ADAM7: variants seen among roughly 807,000 people sequenced by gnomAD.
The protein encoded by ADAM7 is ADAM metallopeptidase domain 7.
Under a neutral mutation model 102.9 loss-of-function variants are expected in ADAM7, and 97 were observed. That is an observed-to-expected ratio of 0.94 (90% CI 0.80 to 1.12). The LOEUF is 1.12. Ranked by LOEUF, ADAM7 falls within the 50% of genes most tolerant of loss-of-function variation. The pLI, the probability that ADAM7 is intolerant of heterozygous loss-of-function variation, is 0.00. For synonymous variants in ADAM7, 334 were observed against 304.4 expected (o/e 1.10, Z -1.01); for missense variants, 991 against 908.7 (o/e 1.09, Z -1.16).
At chr8:24,489,097 A>G (rs1344099284) in intron 11 of ADAM7, 62 bp from the exon 12 acceptor site, 1 of 1,425,898 alleles carries the variant, frequency 7.0e-7, no homozygotes, top group Non-Finnish European at 9.4e-7. Flanking sequence ...AAATGCTCAC[A>G]GCCACTGTAC....
rs975767051 is a variant in ADAM7 at position 24,500,310 on chromosome 8, A to C, written c.2002+54A>C. ...ATATCAAAAGCCTACCCAGCGAAAA[A>C]AGTTTTTCTTATTTTTCAAGTCTGC... On this transcript the variant is annotated intron_variant, in intron 18 of 21. Coordinates refer to ENST00000175238, the MANE Select transcript of ADAM7 (RefSeq NM_003817.4). The C allele has an allele frequency of 3.3e-6, 5 of 1,532,442 alleles. No homozygotes were observed. The African/African-American group carries it at 4.1e-5, about 13-fold the overall frequency. 94.9% of individuals were successfully genotyped at this position (1,532,442 alleles called of 1,614,324 possible).
intron 3 of ADAM7, among the ~76,000 whole-genome samples, chr8:24,450,588 G>C (rs948652025): frequency 3.3e-5 from 5 of 151,780 alleles, no homozygotes; most frequent in African/African-American, 9.7e-5. Context: ...CAATCGTGTA[G>C]TCTGCAAACA....
At chr8:24,507,215 A>G (rs1820980896) in intron 20 of ADAM7, among the ~76,000 whole-genome samples, 1 of 152,178 alleles carries the variant, frequency 6.6e-6, no homozygotes, top group East Asian at 1.9e-4. Context: ...TCTAGGGAAG[A>G]TTCACAGATT....
At chr8:24,470,284 T>C (rs961549238) in intron 7 of ADAM7, among the ~76,000 whole-genome samples, 1 of 152,094 alleles carries the variant, frequency 6.6e-6, no homozygotes, top group South Asian at 2.1e-4. Context: ...GCAAGGATAA[T>C]ATATTCGGAG....
chr8:24,451,490 G>T (rs948317449), intron 3 of ADAM7, among the ~76,000 whole-genome samples: 19 of 152,188 alleles, frequency 1.2e-4, no homozygotes, highest in African/African-American at 4.1e-4. Flanking sequence ...GGGATCGGTG[G>T]TGATAACCCC....
intron 5 of ADAM7, among the ~76,000 whole-genome samples, chr8:24,466,452 T>C (rs964250041): frequency 2.0e-5 from 3 of 152,206 alleles, no homozygotes; most frequent in African/African-American, 4.8e-5. Flanking sequence ...TTTACTTTCA[T>C]ATATATTCCA....
At chr8:24,476,079 GCTTT>G (rs1021190699) in intron 7 of ADAM7, 2 of 401,784 alleles carry the variant, frequency 5.0e-6, no homozygotes, top group Admixed American at 6.4e-5. Context: ...TTGCTTTGTA[GCTTT>G]AATAGGTTTG....
chr8:24,486,152 G>A (rs973067676), intron 10 of ADAM7, among the ~76,000 whole-genome samples: 1 of 152,080 alleles, frequency 6.6e-6, no homozygotes, highest in African/African-American at 2.4e-5. Flanking sequence ...CTTAGATTAT[G>A]CTATTATAAT....
chr8:24,442,709 C>T, intron 2 of ADAM7, 133 bp downstream of exon 2: 1 of 705,680 alleles, frequency 1.4e-6, no homozygotes, highest in East Asian at 2.6e-5. Context: ...CGGCATACAC[C>T]ATGTGCTTGG....
At chr8:24,441,776 C>A (rs895956064) in intron 1 of ADAM7, among the ~76,000 whole-genome samples, 4 of 152,208 alleles carry the variant, frequency 2.6e-5, no homozygotes, top group Non-Finnish European at 4.4e-5. Context: ...ACTTTAAATG[C>A]AAACATCCCT....
At chr8:24,455,491 CT>C (rs1818997303) in intron 3 of ADAM7, among the ~76,000 whole-genome samples, 2 of 152,210 alleles carry the variant, frequency 1.3e-5, no homozygotes, top group East Asian at 3.8e-4. Flanking sequence ...TAGCCTTGAT[CT>C]CAACCTCCTG....
chr8:24,466,459 T>C (rs968467406), intron 5 of ADAM7, among the ~76,000 whole-genome samples: 2 of 152,218 alleles, frequency 1.3e-5, no homozygotes, highest in African/African-American at 4.8e-5. Flanking sequence ...TCATATATAT[T>C]CCATGTCATG....
chr8:24,484,177 C>G (rs114103195), intron 9 of ADAM7, among the ~76,000 whole-genome samples: 1 of 152,090 alleles, frequency 6.6e-6, no homozygotes, highest in East Asian at 1.9e-4. Context: ...AGAATTCTGT[C>G]TCTCCAAGAA....
intron 2 of ADAM7, among the ~76,000 whole-genome samples, chr8:24,446,021 G>T (rs1818544983): frequency 6.6e-6 from 1 of 151,944 alleles, no homozygotes; most frequent in Non-Finnish European, 1.5e-5. Flanking sequence ...GCCAAGCAGG[G>T]ACTTCCATGA....
intron 8 of ADAM7, among the ~76,000 whole-genome samples, chr8:24,478,933 A>G (rs1031721011): frequency 2.0e-5 from 3 of 152,202 alleles, no homozygotes; most frequent in African/African-American, 7.2e-5. Flanking sequence ...GTCAGAAATT[A>G]GCTGATTTTG....
Position 24,499,407 on chromosome 8 carries a change from T to G in ADAM7, c.1923+91T>G, listed in dbSNP as rs561740772. The G allele has an allele frequency of 9.8e-6, 9 of 914,462 alleles. No individual in the cohort carries two copies. The South Asian group carries it at 2.0e-4, about 20-fold the overall frequency. The allele number at this position is 914,462 out of a possible 1,614,324, so 56.6% of individuals were successfully genotyped here. A position where few individuals can be genotyped will look rare whatever the true frequency, so the allele number is the denominator to read the frequency against. ...ATATGTGCATGTATATGTATGTATA[T>G]ATGTATTTTTGCTGCTTTCTAAATC... On this transcript the variant is annotated intron_variant, in intron 17 of 21. Coordinates refer to ENST00000175238, the MANE Select transcript of ADAM7 (RefSeq NM_003817.4).
chr8:24,467,789 G>T (rs1053759330), intron 6 of ADAM7: 1 of 152,262 alleles, frequency 6.6e-6, no homozygotes, highest in East Asian at 1.9e-4. Flanking sequence ...GATTGGCCAG[G>T]CATGGTGGCT....
Position 24,500,403 on chromosome 8 carries a change from T to A in ADAM7, c.2002+147T>A, listed in dbSNP as rs1585928955. 4 of 661,210 alleles carry A rather than the reference T, an allele frequency of 6.0e-6. No homozygotes were observed. In the East Asian group the frequency reaches 1.1e-4, roughly 18 times the overall value. The allele number at this position is 661,210 out of a possible 1,614,324, so 41.0% of individuals were successfully genotyped here. A position where few individuals can be genotyped will look rare whatever the true frequency, so the allele number is the denominator to read the frequency against. The stretch of plus-strand genomic sequence containing the variant: ...TATTATTGTGCATGAATACCCAAAT[T>A]GATTTTACTGCAATTACCTTTTACA... On this transcript the variant is annotated intron_variant, in intron 18 of 21. Transcript: ENST00000175238.
intron 1 of ADAM7, among the ~76,000 whole-genome samples, chr8:24,441,797 A>T (rs1023198273): frequency 6.6e-6 from 1 of 152,212 alleles, no homozygotes; most frequent in South Asian, 2.1e-4. Flanking sequence ...GGAAGACCAA[A>T]TTCAGTAATT....
Sources: gnomAD v4.1 joint callset for allele counts (sites outside exome capture counted in the v4.1 genomes callset) on GRCh38, gnomAD v4.1.1 for gene constraint, MANE v1.5 for transcripts, NCBI Gene and HGNC (gene_info 2026-07-23, HGNC 2026-07-21) for gene names.